Variants in LDB2 observed in about 807,000 individuals in gnomAD.
The protein encoded by LDB2 is LIM domain-binding protein 2.
A neutral mutation model predicts 44.3 loss-of-function variants in LDB2; 12 were observed. The ratio of observed to expected loss-of-function variants is 0.27; its 90% CI spans 0.17 to 0.44. The LOEUF is 0.44. Ranked by LOEUF, LDB2 falls within the 20% of genes least tolerant of loss-of-function variation. LDB2 has a pLI of 1.00. For missense variants in LDB2, 344 were observed against 473.5 expected, an observed-to-expected ratio of 0.73 and a Z score of 2.54; for synonymous variants, 164 against 174.8, an observed-to-expected ratio of 0.94 and a Z score of 0.49.
chr4:16,810,073 T>G (rs938021552), intron 1 of LDB2, among the ~76,000 whole-genome samples: 3 of 152,226 alleles, frequency 2.0e-5, no homozygotes, highest in African/African-American at 7.2e-5. Flanking sequence ...CTTGCTGTTC[T>G]CAGCCTAATG....
chr4:16,543,777 C>T (rs904567111), intron 5 of LDB2, among the ~76,000 whole-genome samples: 1 of 152,152 alleles, frequency 6.6e-6, no homozygotes, highest in African/African-American at 2.4e-5. Flanking sequence ...TATAATTAAA[C>T]TAAAGAGCTT....
chr4:16,583,518 G>T (rs1378225296), intron 5 of LDB2, among the ~76,000 whole-genome samples: 1 of 152,116 alleles, frequency 6.6e-6, no homozygotes, highest in Non-Finnish European at 1.5e-5. Flanking sequence ...AGATCTTAAG[G>T]CAACTTTATA....
chr4:16,809,093 C>G (rs1779303241), intron 1 of LDB2, among the ~76,000 whole-genome samples: 1 of 152,118 alleles, frequency 6.6e-6, no homozygotes, highest in Non-Finnish European at 1.5e-5. Context: ...GGCTGAAAGT[C>G]TAAGATCCCC....
chr4:16,790,729 C>T (rs2109592439), intron 1 of LDB2, among the ~76,000 whole-genome samples: 1 of 152,290 alleles, frequency 6.6e-6, no homozygotes, highest in South Asian at 2.1e-4. Flanking sequence ...GGAGTTACAG[C>T]ACAGGAAATG....
intron 2 of LDB2, among the ~76,000 whole-genome samples, chr4:16,714,249 T>C (rs531748919): frequency 6.6e-6 from 1 of 152,314 alleles, no homozygotes; most frequent in Non-Finnish European, 1.5e-5. Context: ...GTAGCATGTG[T>C]TTGCTGTGCT....
intron 2 of LDB2, among the ~76,000 whole-genome samples, chr4:16,601,072 T>C (rs955420936): frequency 6.6e-6 from 1 of 152,096 alleles, no homozygotes; most frequent in Non-Finnish European, 1.5e-5. Context: ...ATATTCGAAC[T>C]AGTTATTGAG....
At chr4:16,587,597 T>G (rs990369687) in intron 4 of LDB2, among the ~76,000 whole-genome samples, 7 of 151,474 alleles carry the variant, frequency 4.6e-5, no homozygotes, top group African/African-American at 1.7e-4. Context: ...AGCAGGAGAG[T>G]GGGGGTGCAA....
chr4:16,783,114 G>A (rs761716004), intron 1 of LDB2, among the ~76,000 whole-genome samples: 2 of 152,166 alleles, frequency 1.3e-5, no homozygotes, highest in Non-Finnish European at 2.9e-5. Context: ...GCCAAGACCC[G>A]AAGCATAAGT....
At chr4:16,821,684 C>A (rs535329875) in intron 1 of LDB2, among the ~76,000 whole-genome samples, 1 of 135,698 alleles carries the variant, frequency 7.4e-6, no homozygotes, top group Admixed American at 8.6e-5. Context: ...CCACCGCGCC[C>A]GGCCGGAATA....
chr4:16,544,289 G>A (rs111916740), intron 5 of LDB2, among the ~76,000 whole-genome samples: 121 of 152,314 alleles, frequency 7.9e-4, no homozygotes, highest in African/African-American at 2.7e-3. Flanking sequence ...CTGCAAGTCC[G>A]AAGCCAGCGG....
intron 1 of LDB2, among the ~76,000 whole-genome samples, chr4:16,761,602 G>A (rs1767945034): frequency 6.6e-6 from 1 of 152,074 alleles, no homozygotes; most frequent in African/African-American, 2.4e-5. Flanking sequence ...TAGAACCTGA[G>A]GATAACAATA....
At position 16,582,003 on chromosome 4, in the gene LDB2, AAGGAAGG is replaced by A. The variant is rs1714811975; in HGVS notation, c.615+3912_615+3918del. On this transcript the variant is annotated intron_variant, in intron 5 of 7. Transcript: ENST00000304523. This position sits in a 1 kb window ranked among gnomAD's most constrained non-coding sequence, Gnocchi z 4.8. ...GGAAGGGAAGGAAGGGAAGGAAGGG[AAGGAAGG>A]AAGGAAGGAAGGAAGGAAGGAAGGA... Among the ~76,000 whole-genome samples the A allele has an allele frequency of 2.6e-5, 1 of 38,106 alleles. No individual in the cohort carries two copies. Among genetic ancestry groups the A allele is most frequent in the Non-Finnish European group, 8.4e-5 (1 of 11,950 alleles). 25.0% of individuals were successfully genotyped at this position (38,106 alleles called of 152,430 possible). A position where few individuals can be genotyped will look rare whatever the true frequency, so the allele number is the denominator to read the frequency against.
chr4:16,792,340 C>T (rs1444501923), intron 1 of LDB2, among the ~76,000 whole-genome samples: 8 of 152,206 alleles, frequency 5.3e-5, no homozygotes, highest in African/African-American at 1.9e-4. Context: ...AATATTCAAT[C>T]CTCATGACAA....
chr4:16,624,372 C>G (rs1729717663), intron 2 of LDB2, among the ~76,000 whole-genome samples: 1 of 152,086 alleles, frequency 6.6e-6, no homozygotes, highest in Admixed American at 6.6e-5. Flanking sequence ...GCTAGGATTA[C>G]AGGCATGAGC....
intron 1 of LDB2, among the ~76,000 whole-genome samples, chr4:16,786,364 A>G (rs113555822): frequency 3.3e-5 from 5 of 152,292 alleles, no homozygotes; most frequent in African/African-American, 1.2e-4. Flanking sequence ...TGTCTGTCTC[A>G]TTTCAACTAG....
At chr4:16,762,880 C>T (rs1004532827) in intron 1 of LDB2, among the ~76,000 whole-genome samples, 4 of 152,130 alleles carry the variant, frequency 2.6e-5, no homozygotes, top group African/African-American at 4.8e-5. Context: ...CGAGGAATGT[C>T]TATGAGCAGT....
intron 1 of LDB2, among the ~76,000 whole-genome samples, chr4:16,790,000 G>T (rs1046976223): frequency 3.9e-5 from 6 of 152,138 alleles, no homozygotes; most frequent in Non-Finnish European, 8.8e-5. Context: ...AGACAAGAAA[G>T]TCAAGGCTCA....
chr4:16,678,830 A>C (rs992630338), intron 2 of LDB2, among the ~76,000 whole-genome samples: 2 of 152,222 alleles, frequency 1.3e-5, no homozygotes, highest in Admixed American at 1.3e-4. Context: ...AATCTCACTT[A>C]ATCCACTCAT....
At position 16,712,590 on chromosome 4, in the gene LDB2, C is replaced by T. The variant is rs149432223; in HGVS notation, c.235+46568G>A. ...AGAAAAGAAAAGAAATTTCTACAAA[C>T]GGCCAAAAAGCACCTGAAAAAATGC... On this transcript the variant is annotated intron_variant, in intron 2 of 7. Transcript: ENST00000304523. 2.5e-4 allele frequency among the ~76,000 whole-genome samples: 38 copies of T among 151,996 alleles called. No individual in the cohort carries two copies. In the South Asian group the frequency reaches 3.3e-3, roughly 13 times the overall value.
Sources: gnomAD v4.1 joint callset for allele counts (sites outside exome capture counted in the v4.1 genomes callset) on GRCh38, gnomAD v4.1.1 for gene constraint, Gnocchi (gnomAD v3.1) non-coding constraint, MANE v1.5 for transcripts, NCBI Gene and HGNC (gene_info 2026-07-23, HGNC 2026-07-21) for gene names.